LMNTD1: variants seen among roughly 807,000 people sequenced by gnomAD.
LMNTD1 encodes lamin tail domain-containing protein 1.
A neutral mutation model predicts 50.9 loss-of-function variants in LMNTD1; 35 were observed. The observed-to-expected ratio is 0.69, with a 90% CI of 0.53 to 0.91. The LOEUF (loss-of-function observed/expected upper bound fraction) is 0.91. Among genes scored for constraint, LMNTD1 ranks in the 40% least tolerant of loss-of-function variants. The pLI, the probability that LMNTD1 is intolerant of heterozygous loss-of-function variation, is 0.00. For missense variants in LMNTD1, 470 were observed against 475.5 expected, an observed-to-expected ratio of 0.99 and a Z score of 0.11; for synonymous variants, 153 against 161.9, an observed-to-expected ratio of 0.94 and a Z score of 0.42.
At position 25,552,927 on chromosome 12, in the gene LMNTD1, C is replaced by T. The variant is rs553538800; in HGVS notation, c.33G>A (p.Ser11=). ...CATGGACTTTATTCTGCATTGCCTT[C>T]GAAGCTTCCTGAATGTCTTGTGTAT... MKDTQDIQEA[S]KAMQNKVHEQ... Residue 11 remains serine, a synonymous_variant, in exon 2 of 10, where the codon TCG becomes TCA. Coordinates refer to ENST00000458174, the MANE Select transcript of LMNTD1 (RefSeq NM_001145728.2). 566 of 1,560,710 alleles carry T rather than the reference C, an allele frequency of 3.6e-4. No homozygotes were observed. Among genetic ancestry groups the T allele is most frequent in the Admixed American group, 1.9e-3 (101 of 51,954 alleles).
rs141721462 is a variant in LMNTD1, at chr12:25,637,490, G to A, written c.58+11004C>T. On this transcript the variant is annotated intron_variant, in intron 1 of 7. Transcript: ENST00000445693. The stretch of plus-strand genomic sequence containing the variant: ...TAACTAAAATGAAAAATTCACTACA[G>A]AACTTTAACGATAGATTTAATCTGG... 4.1e-3 allele frequency among the ~76,000 whole-genome samples: 619 copies of A among 152,164 alleles called. 1 individual carries two copies. Among genetic ancestry groups the A allele is most frequent in the African/African-American group, 0.014 (578 of 41,516 alleles).
In LMNTD1 at chr12:25,553,250, G is replaced by T; in HGVS notation, c.-212C>A. ...GCATTCACTGGAAGCAGCTTGAGAGGGCAGTAACTTGGCAAAGAGACCTTT... is the reference window on the plus strand; with the variant it reads ...GCATTCACTGGAAGCAGCTTGAGAGTGCAGTAACTTGGCAAAGAGACCTTT... On this transcript the variant is annotated 5_prime_UTR_variant, in exon 1 of 10. Transcript: ENST00000458174. The T allele has an allele frequency of 6.8e-7, 1 of 1,466,020 alleles. No individual in the cohort carries two copies. Among genetic ancestry groups the T allele is most frequent in the East Asian group, 2.5e-5 (1 of 40,668 alleles). The allele number at this position is 1,466,020 out of a possible 1,614,324, so 90.8% of individuals were successfully genotyped here. A position where few individuals can be genotyped will look rare whatever the true frequency, so the allele number is the denominator to read the frequency against.
At chr12:25,531,053 G>A (rs1942194876) in intron 4 of LMNTD1, among the ~76,000 whole-genome samples, 1 of 152,148 alleles carries the variant, frequency 6.6e-6, no homozygotes, top group African/African-American at 2.4e-5. Flanking sequence ...ACTGGGGAGT[G>A]GCCTTTTGAA....
intron 1 of LMNTD1, among the ~76,000 whole-genome samples, chr12:25,619,240 CTCTCTCTCTCTCTATATATA>C (rs71065959): frequency 1.6e-5 from 1 of 62,416 alleles, no homozygotes; most frequent in Admixed American, 1.7e-4. Flanking sequence ...CTCTCTCTCT[CTCTCTCTCTCTCTATATATA>C]TATATATATA....
intron 1 of LMNTD1, among the ~76,000 whole-genome samples, chr12:25,622,463 G>GA (rs1946491734): frequency 1.8e-5 from 2 of 111,154 alleles, no homozygotes; most frequent in Non-Finnish European, 4.0e-5. Flanking sequence ...GAGTTTGTGA[G>GA]CCCGCCCCCC....
chr12:25,641,444 C>T (rs945377689), intron 1 of LMNTD1, among the ~76,000 whole-genome samples: 3 of 152,100 alleles, frequency 2.0e-5, no homozygotes, highest in Admixed American at 2.0e-4. Context: ...TTGTCTGTGG[C>T]ACTTACTATC....
At chr12:25,542,857 T>C (rs1175021529) in intron 4 of LMNTD1, among the ~76,000 whole-genome samples, 1 of 151,408 alleles carries the variant, frequency 6.6e-6, no homozygotes, top group Non-Finnish European at 1.5e-5. Context: ...CAAACACATG[T>C]TCTTTGAGGA....
intron 4 of LMNTD1, among the ~76,000 whole-genome samples, chr12:25,534,267 CT>C (rs1247944071): frequency 6.6e-6 from 1 of 152,096 alleles, no homozygotes; most frequent in Non-Finnish European, 1.5e-5. Context: ...TGTTTCCAGC[CT>C]AGATGAAGTT....
chr12:25,648,365 A>T (rs932616448), intron 1 of LMNTD1: 13 of 699,316 alleles, frequency 1.9e-5, no homozygotes, highest in Non-Finnish European at 3.2e-5. Flanking sequence ...TATGAAAAAA[A>T]TTGTTCTTAT....
rs1941159505 is a variant in LMNTD1 at position 25,519,928 on chromosome 12, C to G, written c.946G>C (p.Glu316Gln). 2.5e-6 allele frequency: 4 copies of G among 1,613,084 alleles called. No homozygotes were observed. Among genetic ancestry groups the G allele is most frequent in the Non-Finnish European group, 3.4e-6 (4 of 1,179,632 alleles). The change falls in exon 7 of 10, where the codon GAA (glutamate) becomes CAA (glutamine). Residue 316 changes from glutamate (E) to glutamine (Q), a missense_variant. By Grantham distance (29) the Glu-to-Gln change is conservative. Coordinates refer to ENST00000458174, the MANE Select transcript of LMNTD1 (RefSeq NM_001145728.2). ...WTASTATITKEKQDQPKKDIS... is the reference protein window; with the variant it reads ...WTASTATITKQKQDQPKKDIS... ...TCTTTCTTAGGTTGATCTTGTTTTT[C>G]TTTAGTTATTGTAGCTGTAGATGCT...
intron 1 of LMNTD1, among the ~76,000 whole-genome samples, chr12:25,570,094 A>G (rs1332153266): frequency 6.6e-6 from 1 of 152,186 alleles, no homozygotes; most frequent in Non-Finnish European, 1.5e-5. Context: ...TGCATTCTCA[A>G]TCATTATATT....
intron 1 of LMNTD1, among the ~76,000 whole-genome samples, chr12:25,617,346 G>C (rs1946370572): frequency 6.6e-6 from 1 of 152,186 alleles, no homozygotes; most frequent in South Asian, 2.1e-4. Context: ...TCTTGGTTCT[G>C]AGGTGCCACC....
intron 1 of LMNTD1, among the ~76,000 whole-genome samples, chr12:25,570,660 C>A (rs1448739758): frequency 4.6e-5 from 7 of 152,066 alleles, no homozygotes; most frequent in Admixed American, 3.3e-4. Context: ...CTGTGGAGAG[C>A]CTTGAACACC....
chr12:25,483,393 A>G (rs1565934080), intron 9 of LMNTD1, among the ~76,000 whole-genome samples: 1 of 151,030 alleles, frequency 6.6e-6, no homozygotes, highest in East Asian at 1.9e-4. Flanking sequence ...ACTGCACTCC[A>G]GCTTGGTGAC....
intron 2 of LMNTD1, among the ~76,000 whole-genome samples, chr12:25,551,846 A>T (rs1943762645): frequency 6.6e-6 from 1 of 152,188 alleles, no homozygotes; most frequent in South Asian, 2.1e-4. Context: ...TGGTTAGTTA[A>T]CTTTCCCTTA....
At chr12:25,535,957 GAACA>G (rs1280447363) in intron 4 of LMNTD1, among the ~76,000 whole-genome samples, 2 of 149,872 alleles carry the variant, frequency 1.3e-5, no homozygotes, top group African/African-American at 4.9e-5. Flanking sequence ...ATATATTTCA[GAACA>G]AAGAATATTG....
At chr12:25,484,049 A>G (rs895038998) in intron 9 of LMNTD1, among the ~76,000 whole-genome samples, 1 of 151,982 alleles carries the variant, frequency 6.6e-6, no homozygotes, top group Non-Finnish European at 1.5e-5. Flanking sequence ...TATTTAAGTC[A>G]CCCGGATAGT....
At chr12:25,519,449 G>A (rs990620710) in intron 7 of LMNTD1, among the ~76,000 whole-genome samples, 3 of 151,688 alleles carry the variant, frequency 2.0e-5, no homozygotes, top group African/African-American at 4.8e-5. Flanking sequence ...TTAGCCGGGC[G>A]TGGTGGTGGG....
chr12:25,593,157 G>A (rs1206626058), intron 1 of LMNTD1, among the ~76,000 whole-genome samples: 1 of 149,300 alleles, frequency 6.7e-6, no homozygotes, highest in African/African-American at 2.5e-5. Flanking sequence ...TGAAGACAAA[G>A]GACATATACT....
Sources: allele counts gnomAD v4.1 joint callset (sites outside exome capture counted in the v4.1 genomes callset), GRCh38; gene constraint gnomAD v4.1.1; transcripts MANE v1.5; gene names NCBI Gene and HGNC (gene_info 2026-07-23, HGNC 2026-07-21).